ARHGAP32: variants seen among roughly 807,000 people sequenced by gnomAD.
The protein encoded by ARHGAP32 is rho GTPase-activating protein 32.
A neutral mutation model predicts 186.5 loss-of-function variants in ARHGAP32; 51 were observed. That is an observed-to-expected ratio of 0.27 (90% confidence interval 0.22 to 0.35). The LOEUF (loss-of-function observed/expected upper bound fraction) is 0.35. Among genes scored for constraint, ARHGAP32 ranks in the 10% least tolerant of loss-of-function variants. The probability of loss-of-function intolerance (pLI) is 1.00; values close to 1 mark genes in which losing one functional copy is unlikely to be tolerated. For missense variants in ARHGAP32, 2,186 were observed against 2,623.5 expected, an observed-to-expected ratio of 0.83 and a Z score of 3.64; for synonymous variants, 950 against 964.3, an observed-to-expected ratio of 0.99 and a Z score of 0.27.
intron 2 of ARHGAP32, among the ~76,000 whole-genome samples, chr11:129,130,118 C>T (rs1186083171): frequency 6.6e-6 from 1 of 152,040 alleles, no homozygotes; most frequent in African/African-American, 2.4e-5. Flanking sequence ...CTAAGTAAGA[C>T]AAAGTGCCAC....
At chr11:129,266,736 G>T (rs1422062328) in intron 1 of ARHGAP32, among the ~76,000 whole-genome samples, 4 of 152,140 alleles carry the variant, frequency 2.6e-5, no homozygotes, top group Admixed American at 2.6e-4. Flanking sequence ...GCTTTAGAGG[G>T]CCTTGCACTG....
At chr11:129,104,868 C>A (rs935400560) in intron 5 of ARHGAP32, among the ~76,000 whole-genome samples, 1 of 152,108 alleles carries the variant, frequency 6.6e-6, no homozygotes, top group African/African-American at 2.4e-5. Context: ...AGGAAAAAGC[C>A]ACTTCAAAAT....
intron 11 of ARHGAP32, among the ~76,000 whole-genome samples, chr11:128,999,352 C>A (rs1946289916): frequency 6.6e-6 from 1 of 152,172 alleles, no homozygotes; most frequent in Non-Finnish European, 1.5e-5. Context: ...GTTCCCTGCT[C>A]TTGAACCCTG....
chr11:129,212,888 GACA>G (rs1359450037), intron 1 of ARHGAP32, among the ~76,000 whole-genome samples: 1 of 145,062 alleles, frequency 6.9e-6, no homozygotes, highest in East Asian at 2.0e-4. Context: ...ATTCTTACAA[GACA>G]ACAAAATTTT....
At chr11:129,179,761 A>T (rs1344149815) in intron 1 of ARHGAP32, among the ~76,000 whole-genome samples, 1 of 147,350 alleles carries the variant, frequency 6.8e-6, no homozygotes, top group African/African-American at 2.5e-5. Context: ...ACATGGACAT[A>T]GGAAGGGGAA....
At chr11:129,226,939 G>A (rs953393704) in intron 1 of ARHGAP32, among the ~76,000 whole-genome samples, 2 of 151,978 alleles carry the variant, frequency 1.3e-5, no homozygotes, top group African/African-American at 4.8e-5. Context: ...AAAAAGCACA[G>A]GTAAAGCTAA....
intron 10 of ARHGAP32, among the ~76,000 whole-genome samples, chr11:129,044,648 A>G (rs1939735835): frequency 1.3e-5 from 2 of 152,052 alleles, no homozygotes; most frequent in Admixed American, 6.6e-5. Flanking sequence ...TGACTCTCAA[A>G]TATCATTCTT....
rs189071517 is a variant in ARHGAP32 at position 129,129,161 on chromosome 11, G to A, written c.226-4267C>T. Among the ~76,000 whole-genome samples the A allele has an allele frequency of 9.7e-3, 1,447 of 148,566 alleles. 19 individuals are homozygous for A. The highest frequency in any genetic ancestry group is 0.055 in the Middle Eastern group (14 of 254). On this transcript the variant is annotated intron_variant, in intron 2 of 22. Coordinates refer to ENST00000682385, the MANE Select transcript of ARHGAP32 (RefSeq NM_001378024.1). ...AGGAGTGTCTCTGCCCGGCCGCCCCGTCTGAGAAGTGAGGAGCCCCTCCGC... is the reference window on the plus strand; with the variant it reads ...AGGAGTGTCTCTGCCCGGCCGCCCCATCTGAGAAGTGAGGAGCCCCTCCGC...
intron 2 of ARHGAP32, among the ~76,000 whole-genome samples, chr11:129,155,103 CATTTGTT>C (rs1335713752): frequency 1.3e-5 from 2 of 152,152 alleles, no homozygotes; most frequent in Non-Finnish European, 2.9e-5. Flanking sequence ...CTGTCACACT[CATTTGTT>C]ATGTATTATT....
intron 1 of ARHGAP32, among the ~76,000 whole-genome samples, chr11:129,248,870 C>T (rs1945140386): frequency 6.6e-6 from 1 of 152,094 alleles, no homozygotes; most frequent in African/African-American, 2.4e-5. Flanking sequence ...TACTGTGTGC[C>T]TATTGTGTCC....
At chr11:129,024,585 T>TA (rs2134917118) in intron 11 of ARHGAP32, among the ~76,000 whole-genome samples, 1 of 152,344 alleles carries the variant, frequency 6.6e-6, no homozygotes, top group African/African-American at 2.4e-5. Flanking sequence ...AGTATCAACT[T>TA]ACACAGTCTC....
At chr11:129,010,941 T>C (rs1220158975) in intron 11 of ARHGAP32, among the ~76,000 whole-genome samples, 1 of 152,210 alleles carries the variant, frequency 6.6e-6, no homozygotes, top group Non-Finnish European at 1.5e-5. Context: ...AAGTAACATA[T>C]TTCTAAGAAT....
At position 128,973,282 on chromosome 11, in the gene ARHGAP32, C is replaced by A. The variant is rs766911993; in HGVS notation, c.3224G>T (p.Arg1075Ile). ...AQQASTQSLKRPGTSQAGYTN... is the reference protein window; with the variant it reads ...AQQASTQSLKIPGTSQAGYTN... ...ATACCCAGCCTGAGAGGTCCCTGGT[C>A]TCTTCAATGACTGAGTTGAGGCTTG... The change falls in exon 22 of 23, where the codon AGA becomes ATA. Residue 1075 changes from arginine (R) to isoleucine (I), a missense_variant. Transcript: ENST00000682385. 1 of 1,614,054 alleles carries A rather than the reference C, an allele frequency of 6.2e-7. No individual in the cohort carries two copies. The highest frequency in any genetic ancestry group is 2.2e-5 in the East Asian group (1 of 44,884).
intron 1 of ARHGAP32, among the ~76,000 whole-genome samples, chr11:129,231,012 G>A (rs1016218191): frequency 7.9e-5 from 12 of 152,206 alleles, no homozygotes; most frequent in Admixed American, 7.8e-4. Context: ...GTGGGTGCCT[G>A]TAATCCCAGC....
intron 1 of ARHGAP32, among the ~76,000 whole-genome samples, chr11:129,232,023 C>CAAAAAAAAA (rs71057935): frequency 1.5e-5 from 1 of 64,552 alleles, no homozygotes; most frequent in Non-Finnish European, 2.7e-5. Flanking sequence ...GAGACGGACT[C>CAAAAAAAAA]AAAAAAAAAA....
chr11:129,060,387 T>TAGATA (rs1565401827), intron 10 of ARHGAP32, among the ~76,000 whole-genome samples: 5 of 143,086 alleles, frequency 3.5e-5, no homozygotes, highest in African/African-American at 5.1e-5. Context: ...ATAGATAAGA[T>TAGATA]AGACAGACAG....
chr11:128,965,364 TAA>T lies in ARHGAP32; in HGVS notation c.*3541_*3542del, dbSNP rs1311630614. 3 of 151,964 alleles carry T rather than the reference TAA, an allele frequency of 2.0e-5. No individual in the cohort carries two copies. The highest frequency in any genetic ancestry group is 4.4e-5 in the Non-Finnish European group (3 of 67,998). 9.4% of individuals were successfully genotyped at this position (151,964 alleles called of 1,614,324 possible). On this transcript the variant is annotated 3_prime_UTR_variant, in exon 23 of 23. Transcript: ENST00000682385. ...AATTTACACCAGTTCACAAAAATAT[TAA>T]GACATAAAAAAACACTATATAAATT...
intron 6 of ARHGAP32, among the ~76,000 whole-genome samples, chr11:129,079,380 T>G (rs773112705): frequency 6.6e-6 from 1 of 152,130 alleles, no homozygotes; most frequent in Non-Finnish European, 1.5e-5. Context: ...GGAAAATCTA[T>G]GAGATTAACA....
chr11:129,045,321 T>G (rs1939764756), intron 10 of ARHGAP32, among the ~76,000 whole-genome samples: 1 of 152,206 alleles, frequency 6.6e-6, no homozygotes, highest in Non-Finnish European at 1.5e-5. Flanking sequence ...CCTTAGAGAC[T>G]CCTGCCTGGC....
Sources: allele counts gnomAD v4.1 joint callset (sites outside exome capture counted in the v4.1 genomes callset), GRCh38; gene constraint gnomAD v4.1.1; transcripts MANE v1.5; gene names NCBI Gene and HGNC (gene_info 2026-07-23, HGNC 2026-07-21).